The following RXFP2 variants were observed in gnomAD, a reference collection of about 807,000 sequenced individuals.
The protein encoded by RXFP2 is relaxin receptor 2.
In RXFP2, 68 loss-of-function variants were observed where a neutral mutation model predicts 88.6. That is an observed-to-expected ratio of 0.77 (90% CI 0.63 to 0.94). RXFP2 has a LOEUF of 0.94. RXFP2 is among the 40% of genes least tolerant of loss of function. The pLI is 0.00. For missense variants in RXFP2, 791 were observed against 893.9 expected, an observed-to-expected ratio of 0.88 and a Z score of 1.47; for synonymous variants, 329 against 306.8, an observed-to-expected ratio of 1.07 and a Z score of -0.76.
chr13:31,791,784 C>A, intron 14 of RXFP2, 22 bp from the exon 15 acceptor site: 1 of 1,555,222 alleles, frequency 6.4e-7, no homozygotes, highest in Non-Finnish European at 8.9e-7. Flanking sequence ...CAAAGTGACA[C>A]TTTTTTTCCC....
At position 31,793,044 on chromosome 13, in the gene RXFP2, C is replaced by T. The variant is rs763395392; in HGVS notation, c.1742C>T (p.Thr581Ile). The change falls in exon 16 of 18, where the codon ACA (threonine) becomes ATA (isoleucine). Residue 581 changes from threonine (T) to isoleucine (I), a missense_variant. Coordinates refer to ENST00000298386, the MANE Select transcript of RXFP2 (RefSeq NM_130806.5). ...GVCFPLYYDQ[T>I]EDIGSKGYSL... ...TGTTTCCCACTTTATTATGACCAAACAGAAGATATTGGAAGCAAAGGGTAT... is the reference window on the plus strand; with the variant it reads ...TGTTTCCCACTTTATTATGACCAAATAGAAGATATTGGAAGCAAAGGGTAT... 3 of 1,613,200 alleles carry T rather than the reference C, an allele frequency of 1.9e-6. No homozygotes were observed. The South Asian group carries it at 3.3e-5, about 18-fold the overall frequency.
At chr13:31,739,779 G>C (rs1409073369) in intron 1 of RXFP2, 73 bp downstream of exon 1, 13 of 967,290 alleles carry the variant, frequency 1.3e-5, no homozygotes, top group Non-Finnish European at 2.0e-5. Context: ...TTCTATGGCA[G>C]TTGTAATAAA....
chr13:31,798,820 T>A (rs536212318), intron 17 of RXFP2, among the ~76,000 whole-genome samples: 23 of 152,282 alleles, frequency 1.5e-4, no homozygotes, highest in Admixed American at 1.4e-3. Context: ...TTTCACCTTC[T>A]AAGATTTTAG....
intron 9 of RXFP2, among the ~76,000 whole-genome samples, chr13:31,780,582 G>A (rs187083200): frequency 5.3e-5 from 8 of 152,310 alleles, no homozygotes; most frequent in Admixed American, 4.6e-4. Flanking sequence ...GTGACTATGA[G>A]AAAAGTTCAG....
intron 1 of RXFP2, among the ~76,000 whole-genome samples, chr13:31,750,296 T>C (rs1311842342): frequency 6.6e-6 from 1 of 152,092 alleles, no homozygotes; most frequent in East Asian, 1.9e-4. Flanking sequence ...TTCAAAGGAA[T>C]ACATTTTTCA....
rs1457169629 is a variant in RXFP2 at position 31,774,643 on chromosome 13, G to A, written c.521G>A (p.Arg174Lys). 3 of 1,560,202 alleles carry A rather than the reference G, an allele frequency of 1.9e-6. No homozygotes were observed. The highest frequency in any genetic ancestry group is 2.2e-5 in the South Asian group (2 of 89,916). ...KKIFLQHNCI[R>K]HISRKAFFGL... ...AGATTTCTTCAGCATAATTGCATTA[G>A]ACACATATCCAGGAAAGCATTTTTT... The change falls in exon 6 of 18, where the codon AGA becomes AAA. Residue 174 changes from arginine (R) to lysine (K), a missense_variant. Coordinates refer to ENST00000298386, the MANE Select transcript of RXFP2 (RefSeq NM_130806.5).
intron 17 of RXFP2, among the ~76,000 whole-genome samples, chr13:31,800,964 G>C (rs1430667600): frequency 6.6e-6 from 1 of 152,036 alleles, no homozygotes; most frequent in Non-Finnish European, 1.5e-5. Context: ...GATAGGAAGA[G>C]AGGAAGGTAA....
intron 5 of RXFP2, among the ~76,000 whole-genome samples, chr13:31,773,240 A>G (rs779045297): frequency 6.6e-6 from 1 of 152,198 alleles, no homozygotes; most frequent in Non-Finnish European, 1.5e-5. Flanking sequence ...AGATGGCACA[A>G]GGTCACACTG....
intron 1 of RXFP2, among the ~76,000 whole-genome samples, chr13:31,744,383 T>C (rs1871325961): frequency 6.6e-6 from 1 of 152,192 alleles, no homozygotes; most frequent in South Asian, 2.1e-4. Flanking sequence ...TGTTCATGTG[T>C]TTGCTTAGGG....
At chr13:31,752,500 G>T (rs546567027) in intron 1 of RXFP2, among the ~76,000 whole-genome samples, 18 of 152,102 alleles carry the variant, frequency 1.2e-4, no homozygotes, top group African/African-American at 4.3e-4. Flanking sequence ...ACACCATCCA[G>T]GCGGGGAGTA....
intron 5 of RXFP2, among the ~76,000 whole-genome samples, chr13:31,773,248 C>T (rs1304393684): frequency 6.6e-6 from 1 of 152,196 alleles, no homozygotes; most frequent in African/African-American, 2.4e-5. Flanking sequence ...CAAGGTCACA[C>T]TGGGTTTCAA....
chr13:31,791,250 G>GT (rs1370098287), intron 14 of RXFP2, among the ~76,000 whole-genome samples: 1 of 152,122 alleles, frequency 6.6e-6, no homozygotes, highest in Non-Finnish European at 1.5e-5. Context: ...AGAAATCTGT[G>GT]TTTAAGGCAG....
chr13:31,774,534 A>T, intron 5 of RXFP2, 86 bp from the exon 6 acceptor site: 1 of 787,448 alleles, frequency 1.3e-6, no homozygotes, highest in Non-Finnish European at 2.3e-6. Flanking sequence ...AATTGTCTTC[A>T]GGTAAAGAAA....
At chr13:31,753,362 G>T (rs944701905) in intron 1 of RXFP2, among the ~76,000 whole-genome samples, 1 of 151,998 alleles carries the variant, frequency 6.6e-6, no homozygotes, top group African/African-American at 2.4e-5. Flanking sequence ...AAATCTCTTG[G>T]CACAGACACG....
chr13:31,796,634 G>GTT (rs1164329148), intron 16 of RXFP2, among the ~76,000 whole-genome samples: 1 of 152,078 alleles, frequency 6.6e-6, no homozygotes, highest in Admixed American at 6.6e-5. Context: ...CCTCATAAGG[G>GTT]TTTATGTATT....
intron 11 of RXFP2, 64 bp downstream of exon 11, chr13:31,782,811 T>A: frequency 9.6e-7 from 1 of 1,041,378 alleles, no homozygotes; most frequent in Non-Finnish European, 1.5e-6. Flanking sequence ...TTTAAATGAC[T>A]AGTGAGACTG....
At chr13:31,779,318 G>T (rs1463316426) in intron 9 of RXFP2, among the ~76,000 whole-genome samples, 1 of 151,932 alleles carries the variant, frequency 6.6e-6, no homozygotes, top group Non-Finnish European at 1.5e-5. Context: ...TACAGATGGG[G>T]TTTCACCATG....
At chr13:31,771,315 G>A (rs894469043) in intron 5 of RXFP2, among the ~76,000 whole-genome samples, 4 of 152,196 alleles carry the variant, frequency 2.6e-5, no homozygotes, top group African/African-American at 4.8e-5. Context: ...AGTGGTGAGC[G>A]AGCAAGCAAA....
intron 3 of RXFP2, 104 bp downstream of exon 3, chr13:31,761,905 T>G (rs1010200678): frequency 5.1e-6 from 4 of 784,368 alleles, no homozygotes; most frequent in Non-Finnish European, 8.8e-6. Flanking sequence ...AGAATTTCCG[T>G]TTTAGTTCAA....
Sources: gnomAD v4.1 joint callset for allele counts (sites outside exome capture counted in the v4.1 genomes callset) on GRCh38, gnomAD v4.1.1 for gene constraint, MANE v1.5 for transcripts, NCBI Gene and HGNC (gene_info 2026-07-23, HGNC 2026-07-21) for gene names.